The following EFCAB5 variants were observed in gnomAD, a reference collection of about 807,000 sequenced individuals.
The protein encoded by EFCAB5 is EF-hand calcium binding domain 5.
EFCAB5 carries 131 observed loss-of-function variants against 167.9 expected under a neutral mutation model. That is an observed-to-expected ratio of 0.78 (90% CI 0.68 to 0.90). The LOEUF (loss-of-function observed/expected upper bound fraction) is 0.90, where lower values mean the gene tolerates loss of function less well. Among genes scored for constraint, EFCAB5 ranks in the 40% least tolerant of loss-of-function variants. EFCAB5 has a pLI of 0.00. For synonymous variants in EFCAB5, 574 were observed against 602.8 expected (o/e 0.95, Z 0.70); for missense variants, 1,663 against 1,745.2 (o/e 0.95, Z 0.84).
chr17:29,986,894 G>T (rs935806730), intron 4 of EFCAB5, among the ~76,000 whole-genome samples: 5 of 151,920 alleles, frequency 3.3e-5, no homozygotes, highest in Non-Finnish European at 7.4e-5. Context: ...TGATCCGCCC[G>T]CCTCGGCCTC....
At chr17:29,961,404 CA>C in intron 3 of EFCAB5, among the ~76,000 whole-genome samples, 1 of 152,232 alleles carries the variant, frequency 6.6e-6, no homozygotes, top group Middle Eastern at 3.4e-3. Flanking sequence ...TCATTTACCA[CA>C]TCATCTTTTC....
chr17:29,967,054 T>A (rs1304822081), intron 3 of EFCAB5, among the ~76,000 whole-genome samples: 2 of 152,206 alleles, frequency 1.3e-5, no homozygotes, highest in Admixed American at 6.5e-5. Context: ...TTCTTTTTAA[T>A]AACTTTTAAT....
chr17:30,034,443 A>G lies in EFCAB5; in HGVS notation c.1200+58A>G, dbSNP rs2069565201. On this transcript the variant is annotated intron_variant, in intron 8 of 22. Coordinates refer to ENST00000394835, the MANE Select transcript of EFCAB5 (RefSeq NM_198529.4). Reference sequence around the variant, plus strand: ...GCCAGACACTGTGGCTCACGCCTGTAATCCCAGCACTTTAGGAGGCTGAGG... The same window carrying G: ...GCCAGACACTGTGGCTCACGCCTGTGATCCCAGCACTTTAGGAGGCTGAGG... 4 of 1,536,644 alleles carry G rather than the reference A, an allele frequency of 2.6e-6. No individual in the cohort carries two copies. The East Asian group carries it at 9.8e-5, about 38-fold the overall frequency.
intron 18 of EFCAB5, among the ~76,000 whole-genome samples, chr17:30,084,991 C>T (rs540304143): frequency 1.3e-5 from 2 of 152,208 alleles, no homozygotes; most frequent in South Asian, 4.2e-4. Flanking sequence ...CCCGTCCCCG[C>T]CCCCTCTCCC....
At chr17:30,090,320 G>C (rs1423539677) in intron 19 of EFCAB5, 101 bp from the exon 20 acceptor site, 15 of 1,435,590 alleles carry the variant, frequency 1.0e-5, no homozygotes, top group Non-Finnish European at 1.3e-5. Flanking sequence ...TGGCATGGTG[G>C]AAGTGAGGTA....
At chr17:29,939,675 C>G, upstream of EFCAB5, among the ~76,000 whole-genome samples, 1 of 152,200 alleles carries the variant, frequency 6.6e-6, no homozygotes, top group East Asian at 1.9e-4. Context: ...TCCTTAAACC[C>G]CATGAATCAA....
At chr17:29,978,593 G>T (rs984553220) in intron 4 of EFCAB5, among the ~76,000 whole-genome samples, 1 of 152,162 alleles carries the variant, frequency 6.6e-6, no homozygotes, top group Non-Finnish European at 1.5e-5. Flanking sequence ...TCTCTGGTTT[G>T]CTTCAATGAT....
At chr17:30,040,330 C>T (rs1281743050) in intron 8 of EFCAB5, among the ~76,000 whole-genome samples, 1 of 152,196 alleles carries the variant, frequency 6.6e-6, no homozygotes, top group Non-Finnish European at 1.5e-5. Context: ...GGAGACTTAA[C>T]AGGATGCAGT....
At chr17:30,035,723 C>G (rs1254193150) in intron 8 of EFCAB5, among the ~76,000 whole-genome samples, 1 of 152,100 alleles carries the variant, frequency 6.6e-6, no homozygotes, top group Admixed American at 6.6e-5. Flanking sequence ...ACTTCTCATC[C>G]TTGAAGATAA....
chr17:30,082,350 A>G (rs2071003496), intron 17 of EFCAB5, among the ~76,000 whole-genome samples: 1 of 151,430 alleles, frequency 6.6e-6, no homozygotes, highest in Non-Finnish European at 1.5e-5. Context: ...GATGACTATC[A>G]AAAGCATAAA....
intron 7 of EFCAB5, among the ~76,000 whole-genome samples, chr17:30,029,621 G>T (rs1437308849): frequency 8.6e-5 from 13 of 151,480 alleles, no homozygotes; most frequent in Admixed American, 7.9e-4. Context: ...CTGCCCACAG[G>T]CTATAGGAAC....
chr17:30,053,631 T>C lies in EFCAB5; in HGVS notation c.1677T>C (p.Ser559=). The C allele has an allele frequency of 6.2e-7, 1 of 1,613,600 alleles. No individual in the cohort carries two copies. The highest frequency in any genetic ancestry group is 8.5e-7 in the Non-Finnish European group (1 of 1,179,792). ...HTESTLEQGS[S]RRLLTEQETH... ...AGTCAACTCTAGAACAAGGGTCAAG[T>C]AGAAGGTTACTGACAGAACAAGAAA... Residue 559 remains serine, a synonymous_variant, in exon 10 of 23, where the codon AGT becomes AGC. Transcript: ENST00000394835.
chr17:30,014,908 A>G (rs539496042), intron 7 of EFCAB5, among the ~76,000 whole-genome samples: 1 of 152,164 alleles, frequency 6.6e-6, no homozygotes, highest in East Asian at 1.9e-4. Context: ...GGTCTTTACA[A>G]TTTGGCATGT....
At chr17:29,997,131 G>A (rs886445516) in intron 6 of EFCAB5, among the ~76,000 whole-genome samples, 1 of 151,860 alleles carries the variant, frequency 6.6e-6, no homozygotes, top group Non-Finnish European at 1.5e-5. Flanking sequence ...CGTAATCTCA[G>A]TTACTTGGGA....
intron 1 of EFCAB5, among the ~76,000 whole-genome samples, chr17:29,935,868 G>T (rs2067240816): frequency 6.6e-6 from 1 of 152,186 alleles, no homozygotes; most frequent in African/African-American, 2.4e-5. Flanking sequence ...TAGAGGAGGG[G>T]CTTCATGGCA....
intron 4 of EFCAB5, among the ~76,000 whole-genome samples, chr17:29,988,082 A>T (rs1035530740): frequency 6.6e-6 from 1 of 152,198 alleles, no homozygotes; most frequent in Non-Finnish European, 1.5e-5. Context: ...TAATGCAAGT[A>T]TCTGTGTTTG....
chr17:30,017,045 C>T (rs1244470921), intron 7 of EFCAB5, among the ~76,000 whole-genome samples: 1 of 151,932 alleles, frequency 6.6e-6, no homozygotes, highest in Admixed American at 6.6e-5. Context: ...GGCACAATGG[C>T]ACGCACCTTT....
chr17:29,992,858 A>G (rs181111179), intron 4 of EFCAB5, among the ~76,000 whole-genome samples: 131 of 152,072 alleles, frequency 8.6e-4, no homozygotes, highest in African/African-American at 2.9e-3. Context: ...TTTTTGAGGA[A>G]CCTCCCTACC....
intron 22 of EFCAB5, among the ~76,000 whole-genome samples, chr17:30,104,984 C>G (rs1251920695): frequency 2.0e-5 from 3 of 151,980 alleles, no homozygotes. Flanking sequence ...CAGATAAGAA[C>G]ACTGTGGCAG....
Sources: allele counts gnomAD v4.1 joint callset (sites outside exome capture counted in the v4.1 genomes callset), GRCh38; gene constraint gnomAD v4.1.1; transcripts MANE v1.5; gene names NCBI Gene and HGNC (gene_info 2026-07-23, HGNC 2026-07-21).